DYNC1I2: variants seen among roughly 807,000 people sequenced by gnomAD.
The protein encoded by DYNC1I2 is cytoplasmic dynein 1 intermediate chain 2.
A neutral mutation model predicts 88.6 loss-of-function variants in DYNC1I2; 53 were observed. The ratio of observed to expected loss-of-function variants is 0.60; its 90% confidence interval spans 0.48 to 0.75. The LOEUF (loss-of-function observed/expected upper bound fraction) is 0.75, where lower values mean the gene tolerates loss of function less well. DYNC1I2 is among the 30% of genes least tolerant of loss of function. The pLI is 0.00. For missense variants in DYNC1I2, 458 were observed against 766.6 expected (o/e 0.60, Z 4.75); for synonymous variants, 198 against 254.6 (o/e 0.78, Z 2.12).
At chr2:171,731,886 A>G (rs1380991475) in intron 15 of DYNC1I2, among the ~76,000 whole-genome samples, 1 of 152,244 alleles carries the variant, frequency 6.6e-6, no homozygotes, top group East Asian at 1.9e-4. Context: ...TACAAAGGCA[A>G]GACAGTTAAA....
In DYNC1I2 at chr2:171,726,315, C is replaced by T. The variant is rs367747207; in HGVS notation, c.870+22C>T. 2.5e-4 allele frequency: 379 copies of T among 1,496,678 alleles called. 1 individual carries two copies. The African/African-American group carries it at 3.2e-3, about 13-fold the overall frequency. The allele number at this position is 1,496,678 out of a possible 1,614,324, so 92.7% of individuals were successfully genotyped here. Reference sequence around the variant, plus strand: ...TCAGGTAAAATATAACAAAATAGGCCGCTCTTAACTCATTTTTAAAATTAT... The same window carrying T: ...TCAGGTAAAATATAACAAAATAGGCTGCTCTTAACTCATTTTTAAAATTAT... On this transcript the variant is annotated intron_variant, in intron 10 of 17. Coordinates refer to ENST00000397119, the MANE Select transcript of DYNC1I2 (RefSeq NM_001378.3).
chr2:171,697,356 A>G (rs541070031), intron 3 of DYNC1I2, among the ~76,000 whole-genome samples: 74 of 152,102 alleles, frequency 4.9e-4, no homozygotes, highest in African/African-American at 1.6e-3. Context: ...CTCCACACAC[A>G]TACTACTTTT....
At position 171,743,991 on chromosome 2, in the gene DYNC1I2, G is replaced by A. The variant is rs187626336; in HGVS notation, c.1537-58G>A. 2.1e-5 allele frequency: 30 copies of A among 1,435,048 alleles called. No individual in the cohort carries two copies. The African/African-American group carries it at 3.0e-4, about 15-fold the overall frequency. The allele number at this position is 1,435,048 out of a possible 1,614,324, so 88.9% of individuals were successfully genotyped here. The stretch of plus-strand genomic sequence containing the variant: ...GTCATTTTTTTCCCAGTGATAAGTA[G>A]TTTAATGATTTGTATGTCATATATG... On this transcript the variant is annotated intron_variant, in intron 15 of 17. Transcript: ENST00000397119.
chr2:171,712,494 TA>T (rs1321326756), intron 5 of DYNC1I2: 3 of 334,670 alleles, frequency 9.0e-6, no homozygotes, highest in African/African-American at 6.3e-5. Context: ...TATACAATAT[TA>T]GTTTCCCATA....
At chr2:171,694,456 A>T (rs1311034727) in intron 3 of DYNC1I2, among the ~76,000 whole-genome samples, 1 of 151,982 alleles carries the variant, frequency 6.6e-6, no homozygotes, top group Non-Finnish European at 1.5e-5. Flanking sequence ...TCGGGAGTTC[A>T]AGACTAGCCT....
intron 15 of DYNC1I2, among the ~76,000 whole-genome samples, chr2:171,733,317 T>C (rs1179414284): frequency 6.6e-6 from 1 of 152,226 alleles, no homozygotes; most frequent in East Asian, 1.9e-4. Flanking sequence ...CCTTTGGGTA[T>C]ATACCCAGTA....
chr2:171,744,123 A>C lies in DYNC1I2; in HGVS notation c.1611A>C (p.Pro537=), dbSNP rs1689630391. 6.2e-7 allele frequency: 1 copy of C among 1,613,610 alleles called. No individual in the cohort carries two copies. The highest frequency in any genetic ancestry group is 8.5e-7 in the Non-Finnish European group (1 of 1,179,746). Reference sequence around the variant, plus strand: ...ATGTTATGTGGTCACCTACCCACCCAGCCCTGTTTGCCTGTGTGGATGGCA... The same window carrying C: ...ATGTTATGTGGTCACCTACCCACCCCGCCCTGTTTGCCTGTGTGGATGGCA... The part of the protein sequence containing the change: ...VYDVMWSPTH[P]ALFACVDGMG... Residue 537 remains proline, a synonymous_variant, in exon 16 of 18, where the codon CCA becomes CCC. Coordinates refer to ENST00000397119, the MANE Select transcript of DYNC1I2 (RefSeq NM_001378.3).
chr2:171,707,279 C>T lies in DYNC1I2; in HGVS notation c.245-8C>T, dbSNP rs775494458. 9 of 1,613,776 alleles carry T rather than the reference C, an allele frequency of 5.6e-6. No individual in the cohort carries two copies. Among genetic ancestry groups the T allele is most frequent in the Admixed American group, 3.3e-5 (2 of 60,004 alleles). On this transcript the variant is annotated splice_polypyrimidine_tract_variant and splice_region_variant and intron_variant, in intron 4 of 17. Transcript: ENST00000397119. ...TAACAGCGGATACCTGTCTATTTCA[C>T]TATTTAGTCCCTCCTCCTATGTCTC...
At chr2:171,709,908 G>GCT (rs1686976394) in intron 5 of DYNC1I2, among the ~76,000 whole-genome samples, 1 of 151,950 alleles carries the variant, frequency 6.6e-6, no homozygotes, top group African/African-American at 2.4e-5. Context: ...GTAAAGACAG[G>GCT]GTTTCACCAT....
At chr2:171,743,259 C>T (rs907778246) in intron 15 of DYNC1I2, among the ~76,000 whole-genome samples, 1 of 152,178 alleles carries the variant, frequency 6.6e-6, no homozygotes, top group Non-Finnish European at 1.5e-5. Context: ...TAAAGGTCTT[C>T]ATCCTTATCA....
intron 5 of DYNC1I2, 109 bp from the exon 6 acceptor site, chr2:171,712,658 T>A (rs1687204397): frequency 2.5e-6 from 2 of 799,104 alleles, no homozygotes; most frequent in Non-Finnish European, 4.1e-6. Context: ...GAACATGTGT[T>A]TTTTAATTGT....
chr2:171,743,286 G>T (rs1689570731), intron 15 of DYNC1I2, among the ~76,000 whole-genome samples: 1 of 152,144 alleles, frequency 6.6e-6, no homozygotes. Context: ...CAGTTGAGTA[G>T]GCTGAGGAGG....
chr2:171,700,713 G>A (rs1686187352), intron 3 of DYNC1I2, among the ~76,000 whole-genome samples: 2 of 151,976 alleles, frequency 1.3e-5, no homozygotes, highest in South Asian at 4.2e-4. Flanking sequence ...CTCACTGCAA[G>A]CTTCACCCCC....
At chr2:171,730,204 G>C (rs2292816) in intron 15 of DYNC1I2, among the ~76,000 whole-genome samples, 70,176 of 151,910 alleles carry the variant, frequency 0.46, 18,838 homozygotes, top group East Asian at 0.7. Flanking sequence ...CTATGCATTT[G>C]CTCTTTGGAG....
chr2:171,726,117 A>G (rs1688234205), intron 9 of DYNC1I2, 36 bp downstream of exon 9: 10 of 1,558,512 alleles, frequency 6.4e-6, no homozygotes, highest in East Asian at 2.3e-5. Context: ...AGCTTCAATA[A>G]TGTTAAATTA....
chr2:171,717,923 A>T (rs1023840305), intron 7 of DYNC1I2, among the ~76,000 whole-genome samples: 16 of 151,502 alleles, frequency 1.1e-4, no homozygotes, highest in African/African-American at 3.9e-4. Flanking sequence ...AATGCCTATT[A>T]TATCTATAGT....
chr2:171,715,505 T>G (rs1368846588), intron 7 of DYNC1I2, 62 bp downstream of exon 7: 2 of 1,064,992 alleles, frequency 1.9e-6, no homozygotes, highest in African/African-American at 3.2e-5. Flanking sequence ...TAGATTCTTT[T>G]TTTCTTCCTT....
chr2:171,697,784 C>A (rs554329047), intron 3 of DYNC1I2, among the ~76,000 whole-genome samples: 2 of 151,592 alleles, frequency 1.3e-5, no homozygotes, highest in African/African-American at 4.8e-5. Context: ...ATTGAGTTTG[C>A]AAGGTCAAGG....
At chr2:171,725,788 G>A (rs1049892558) in intron 8 of DYNC1I2, 75 bp downstream of exon 8, 33 of 1,270,812 alleles carry the variant, frequency 2.6e-5, no homozygotes, top group Non-Finnish European at 3.6e-5. Context: ...ATTAAAGTAG[G>A]ATGAAATGCT....
Sources: gnomAD v4.1 joint callset for allele counts (sites outside exome capture counted in the v4.1 genomes callset) on GRCh38, gnomAD v4.1.1 for gene constraint, MANE v1.5 for transcripts, NCBI Gene and HGNC (gene_info 2026-07-23, HGNC 2026-07-21) for gene names.